The following ZBED6 variants were observed in gnomAD, a reference collection of about 807,000 sequenced individuals.
The protein encoded by ZBED6 is zinc finger BED domain-containing protein 6.
A neutral mutation model predicts 58.4 loss-of-function variants in ZBED6; 40 were observed. That is an observed-to-expected ratio of 0.68 (90% CI 0.53 to 0.89). The LOEUF (loss-of-function observed/expected upper bound fraction) is 0.89. Ranked by LOEUF, ZBED6 falls within the 40% of genes least tolerant of loss-of-function variation. The pLI is 0.00. For missense variants in ZBED6, 1,057 were observed against 1,003.9 expected (o/e 1.05, Z -0.71); for synonymous variants, 439 against 350.6 (o/e 1.25, Z -2.82).
intron 3 of ZBED6, among the ~76,000 whole-genome samples, chr1:203,820,422 A>AT (rs2102851550): frequency 6.8e-6 from 1 of 147,304 alleles, no homozygotes; most frequent in Admixed American, 6.7e-5. Context: ...ATTCCCCCTC[A>AT]TTACTAAATT....
chr1:203,797,347 T>A, exon 1 of ZBED6: 1 of 569,624 alleles, frequency 1.8e-6, no homozygotes, highest in Non-Finnish European at 2.9e-6. Flanking sequence ...TGTTCTCCAT[T>A]GCTGTCAGTT....
At position 203,848,417 on chromosome 1, in the gene ZBED6, A is replaced by G. The variant is rs779476271; in HGVS notation, c.*4322+10A>G. The stretch of plus-strand genomic sequence containing the variant: ...AACAGAAGCTAAAGAGGTAAATTTA[A>G]GATTATTGTATGGTTTTGTTCATGG... On this transcript the variant is annotated intron_variant, in intron 13 of 16. Coordinates refer to ENST00000550078, the Ensembl canonical transcript of ZBED6. 3.8e-5 allele frequency: 60 copies of G among 1,599,842 alleles called. No homozygotes were observed. Among genetic ancestry groups the G allele is most frequent in the Non-Finnish European group, 5.0e-5 (59 of 1,173,282 alleles).
chr1:203,831,925 C>T (rs1399855756), intron 8 of ZBED6, among the ~76,000 whole-genome samples, 154 bp downstream of exon 8: 1 of 152,180 alleles, frequency 6.6e-6, no homozygotes, highest in Non-Finnish European at 1.5e-5. Context: ...GTACATTCAA[C>T]TCTAATATTT....
intron 3 of ZBED6, among the ~76,000 whole-genome samples, chr1:203,822,584 C>T (rs1679147686): frequency 6.6e-6 from 1 of 152,060 alleles, no homozygotes; most frequent in South Asian, 2.1e-4. Flanking sequence ...CCTTCCTAAC[C>T]CCACTTGGTC....
intron 1 of ZBED6, among the ~76,000 whole-genome samples, chr1:203,815,946 T>C (rs889618415): frequency 2.0e-5 from 3 of 152,176 alleles, no homozygotes; most frequent in Non-Finnish European, 4.4e-5. Flanking sequence ...GGAGAAAATA[T>C]TTGTTGTTTT....
chr1:203,806,033 CCTG>C, intron 1 of ZBED6: 1 of 539,970 alleles, frequency 1.9e-6, no homozygotes. Context: ...GTGCGATTGT[CCTG>C]CTGCTGCTCA....
chr1:203,850,380 G>A (rs758997215), intron 14 of ZBED6, 135 bp from the exon 15 acceptor site: 158 of 1,369,594 alleles, frequency 1.2e-4, no homozygotes, highest in East Asian at 2.1e-4. Flanking sequence ...CCTTTGAATC[G>A]TTTTCAGTCT....
intron 11 of ZBED6, among the ~76,000 whole-genome samples, chr1:203,842,707 A>T (rs989784812): frequency 6.0e-5 from 9 of 151,088 alleles, no homozygotes; most frequent in Non-Finnish European, 1.0e-4. Context: ...AGATTATTCT[A>T]ATTTTGTAAA....
chr1:203,798,025 G>A, exon 1 of ZBED6: 1 of 1,534,518 alleles, frequency 6.5e-7, no homozygotes. Flanking sequence ...AGCCATCTTG[G>A]TACATCTACT....
chr1:203,814,689 C>T (rs1358837575), intron 1 of ZBED6, among the ~76,000 whole-genome samples: 2 of 152,152 alleles, frequency 1.3e-5, no homozygotes, highest in Non-Finnish European at 2.9e-5. Context: ...CTTCCAGCCT[C>T]CACCTATGAC....
In ZBED6 at chr1:203,797,819, T is replaced by C. The variant is rs897748742; in HGVS notation, c.297T>C (p.Pro99=). 1.3e-5 allele frequency: 20 copies of C among 1,536,012 alleles called. No individual in the cohort carries two copies. The African/African-American group carries it at 2.7e-4, about 21-fold the overall frequency. Residue 99 remains proline, a synonymous_variant, in exon 1 of 17, where the codon CCT becomes CCC. Transcript: ENST00000550078. Reference sequence around the variant, plus strand: ...CTGGGAGGCCTGTTGCAGATGCCCCTGCTTTGTTAGCTTCCAATGACCCTG... The same window carrying C: ...CTGGGAGGCCTGTTGCAGATGCCCCCGCTTTGTTAGCTTCCAATGACCCTG...
chr1:203,842,310 T>C (rs1326088029), intron 11 of ZBED6, among the ~76,000 whole-genome samples: 2 of 152,096 alleles, frequency 1.3e-5, no homozygotes, highest in Non-Finnish European at 2.9e-5. Context: ...CTGGGCAACA[T>C]TGAGCACTGA....
At chr1:203,851,992 AAAAG>A (rs1689423388) in intron 16 of ZBED6, 145 bp from the exon 17 acceptor site, 36 of 695,262 alleles carry the variant, frequency 5.2e-5, no homozygotes, top group Admixed American at 2.4e-4. Flanking sequence ...AAAAAAAAAA[AAAAG>A]CTTGATCCCA....
chr1:203,843,602 A>G (rs1011433974), intron 11 of ZBED6, among the ~76,000 whole-genome samples: 1 of 152,242 alleles, frequency 6.6e-6, no homozygotes, highest in South Asian at 2.1e-4. Flanking sequence ...GTAGAATGAA[A>G]GCAGCCATAT....
At chr1:203,830,527 G>A (rs1265971081) in intron 7 of ZBED6, among the ~76,000 whole-genome samples, 2 of 152,146 alleles carry the variant, frequency 1.3e-5, no homozygotes, top group Admixed American at 6.5e-5. Flanking sequence ...ATTAAGAGAG[G>A]AAAGGCTGGG....
Position 203,831,800 on chromosome 1 carries a change from C to A in ZBED6, c.*3510+29C>A, listed in dbSNP as rs762519776. On this transcript the variant is annotated intron_variant, in intron 8 of 16. Transcript: ENST00000550078. Reference sequence around the variant, plus strand: ...AGGTATAGATAGGTCTTAGAGTTGTCAAGCCTCTACTTTTATATAATTGGG... The same window carrying A: ...AGGTATAGATAGGTCTTAGAGTTGTAAAGCCTCTACTTTTATATAATTGGG... 5 of 1,544,012 alleles carry A rather than the reference C, an allele frequency of 3.2e-6. No individual in the cohort carries two copies. The East Asian group carries it at 9.1e-5, about 28-fold the overall frequency.
At chr1:203,836,226 T>A (rs951068127) in intron 9 of ZBED6, among the ~76,000 whole-genome samples, 4 of 152,150 alleles carry the variant, frequency 2.6e-5, no homozygotes, top group African/African-American at 9.7e-5. Context: ...CTAAAAATAA[T>A]AATTAAAAGT....
chr1:203,846,495 G>A (rs1373826502), intron 11 of ZBED6, among the ~76,000 whole-genome samples: 2 of 152,000 alleles, frequency 1.3e-5, no homozygotes, highest in East Asian at 3.9e-4. Context: ...TTCCTGCTGT[G>A]TCCTTTTATA....
chr1:203,819,370 T>G (rs1677624206), intron 3 of ZBED6, among the ~76,000 whole-genome samples: 1 of 141,176 alleles, frequency 7.1e-6, no homozygotes, highest in Non-Finnish European at 1.5e-5. Context: ...TACAGGCACC[T>G]GCCACCATGG....
Sources: gnomAD v4.1 joint callset for allele counts (sites outside exome capture counted in the v4.1 genomes callset) on GRCh38, gnomAD v4.1.1 for gene constraint, MANE v1.5 for transcripts, NCBI Gene and HGNC (gene_info 2026-07-23, HGNC 2026-07-21) for gene names.